ARHGAP21: variants seen among roughly 807,000 people sequenced by gnomAD.
ARHGAP21 encodes rho GTPase-activating protein 21.
A neutral mutation model predicts 164.6 loss-of-function variants in ARHGAP21; 38 were observed. That is an observed-to-expected ratio of 0.23 (90% confidence interval 0.18 to 0.30). The LOEUF (loss-of-function observed/expected upper bound fraction) is 0.30, where lower values mean the gene tolerates loss of function less well. ARHGAP21 is among the 10% of genes least tolerant of loss of function. The pLI, the probability that ARHGAP21 is intolerant of heterozygous loss-of-function variation, is 1.00. For synonymous variants in ARHGAP21, 766 were observed against 857.9 expected, an observed-to-expected ratio of 0.89 and a Z score of 1.87; for missense variants, 1,822 against 2,370.7, an observed-to-expected ratio of 0.77 and a Z score of 4.81.
At chr10:24,694,716 C>G (rs1480252137) in intron 2 of ARHGAP21, among the ~76,000 whole-genome samples, 1 of 152,034 alleles carries the variant, frequency 6.6e-6, no homozygotes, top group African/African-American at 2.4e-5. Context: ...TACATCATTG[C>G]CTGCGTACTA....
intron 4 of ARHGAP21, among the ~76,000 whole-genome samples, chr10:24,653,743 T>G (rs1838462534): frequency 2.0e-5 from 3 of 152,274 alleles, no homozygotes; most frequent in African/African-American, 7.2e-5. Flanking sequence ...AGATTACTCT[T>G]TCCTAGGATT....
At position 24,584,674 on chromosome 10, in the gene ARHGAP21, T is replaced by G; in HGVS notation, c.5615A>C (p.Asp1872Ala). 1 of 1,613,912 alleles carries G rather than the reference T, an allele frequency of 6.2e-7. No homozygotes were observed. The change falls in exon 26 of 26, where the codon GAT becomes GCT. Residue 1872 changes from aspartate to alanine, a missense_variant. Transcript: ENST00000396432. ...TGTGCTTGGGTTCTCTGTCTGGGGA[T>G]CTCCGATTTCTCCTCTGCTAAGGTC... ...TSDLSRGEIGDPQTENPSTRE... is the reference protein window; with the variant it reads ...TSDLSRGEIGAPQTENPSTRE...
chr10:24,626,915 A>G (rs1835195831), intron 7 of ARHGAP21, among the ~76,000 whole-genome samples: 1 of 152,232 alleles, frequency 6.6e-6, no homozygotes, highest in African/African-American at 2.4e-5. Flanking sequence ...TGCCAAGCAC[A>G]GGACTCCTAT....
At chr10:24,668,435 C>T (rs1011532298) in intron 3 of ARHGAP21, among the ~76,000 whole-genome samples, 1 of 152,154 alleles carries the variant, frequency 6.6e-6, no homozygotes, top group Non-Finnish European at 1.5e-5. Context: ...TCTGAACAAG[C>T]GTGGCTGTGT....
intron 7 of ARHGAP21, among the ~76,000 whole-genome samples, chr10:24,623,569 C>T (rs2131227233): frequency 6.6e-6 from 1 of 152,290 alleles, no homozygotes; most frequent in Non-Finnish European, 1.5e-5. Flanking sequence ...CTTTTCCATG[C>T]TGATTAGAAT....
chr10:24,594,915 T>C, intron 21 of ARHGAP21, 35 bp downstream of exon 21: 2 of 1,529,542 alleles, frequency 1.3e-6, no homozygotes, highest in Non-Finnish European at 1.8e-6. Context: ...CTAAAGCCAC[T>C]AAAAGTACAT....
intron 4 of ARHGAP21, among the ~76,000 whole-genome samples, chr10:24,641,849 T>C (rs898614915): frequency 2.0e-5 from 3 of 151,904 alleles, no homozygotes; most frequent in Admixed American, 2.0e-4. Context: ...CACAAAAAAT[T>C]AGCCGGGCAT....
chr10:24,617,537 G>A (rs553513780), intron 9 of ARHGAP21, among the ~76,000 whole-genome samples: 1 of 151,972 alleles, frequency 6.6e-6, no homozygotes, highest in Non-Finnish European at 1.5e-5. Context: ...GGCCTTAGGG[G>A]TATAGATATG....
In ARHGAP21 at chr10:24,595,947, T is replaced by A. The variant is rs751588260; in HGVS notation, c.3574A>T (p.Ile1192Phe). The change falls in exon 18 of 26, where the codon ATC becomes TTC. Residue 1192 changes from isoleucine (I) to phenylalanine (F), a missense_variant. Around this residue, in one of 5 missense-constraint regions of ARHGAP21, gnomAD observed 117 missense variants for 238.1 expected, o/e 0.49. Transcript: ENST00000396432. ...TTGAGTTCTTCTTGCATACTTGAGATGGCTGCATTATTTCCAGGAACTCTA... is the reference window on the plus strand; with the variant it reads ...TTGAGTTCTTCTTGCATACTTGAGAAGGCTGCATTATTTCCAGGAACTCTA... ...IYRVPGNNAAISSMQEELNKG... is the reference protein window; with the variant it reads ...IYRVPGNNAAFSSMQEELNKG... 1 of 1,613,650 alleles carries A rather than the reference T, an allele frequency of 6.2e-7. No homozygotes were observed.
intron 14 of ARHGAP21, among the ~76,000 whole-genome samples, chr10:24,599,222 A>G (rs2367065): frequency 6.6e-6 from 1 of 152,232 alleles, no homozygotes; most frequent in Non-Finnish European, 1.5e-5. Context: ...GAGTTTTAAC[A>G]ATGACAGTCT....
intron 2 of ARHGAP21, among the ~76,000 whole-genome samples, chr10:24,692,355 CG>C (rs1266554234): frequency 6.6e-6 from 1 of 151,904 alleles, no homozygotes; most frequent in Non-Finnish European, 1.5e-5. Flanking sequence ...GTATAGATTA[CG>C]GGGGGAAAAA....
intron 7 of ARHGAP21, chr10:24,628,966 ATATATATATATATATATTT>A (rs1835510223): frequency 7.9e-5 from 1 of 12,652 alleles, no homozygotes; most frequent in Non-Finnish European, 1.3e-4. Context: ...ATATATATAT[ATATATATATATATATATTT>A]TTTTTTTTTT....
chr10:24,711,363 A>C (rs1368256761), intron 2 of ARHGAP21, among the ~76,000 whole-genome samples: 1 of 151,814 alleles, frequency 6.6e-6, no homozygotes, highest in Non-Finnish European at 1.5e-5. Context: ...ATACCAAAAA[A>C]GAAAAAAAAA....
At chr10:24,668,655 T>C (rs1011041266) in intron 3 of ARHGAP21, among the ~76,000 whole-genome samples, 1 of 152,188 alleles carries the variant, frequency 6.6e-6, no homozygotes, top group Non-Finnish European at 1.5e-5. Flanking sequence ...GTGATTTTTT[T>C]TTTTTGACCA....
intron 2 of ARHGAP21, among the ~76,000 whole-genome samples, chr10:24,720,002 C>A (rs2132338476): frequency 6.6e-6 from 1 of 152,136 alleles, no homozygotes; most frequent in East Asian, 1.9e-4. Context: ...AATACCAAAC[C>A]TAAATACTGT....
At chr10:24,692,691 G>A (rs1326404344) in intron 2 of ARHGAP21, among the ~76,000 whole-genome samples, 1 of 152,180 alleles carries the variant, frequency 6.6e-6, no homozygotes, top group Admixed American at 6.5e-5. Flanking sequence ...AAGTAGCTGG[G>A]AGTGGTGGCA....
chr10:24,653,741 C>T (rs1432676120), intron 4 of ARHGAP21, among the ~76,000 whole-genome samples: 8 of 152,130 alleles, frequency 5.3e-5, no homozygotes, highest in Admixed American at 4.6e-4. Context: ...TTAGATTACT[C>T]TTTCCTAGGA....
intron 9 of ARHGAP21, 92 bp from the exon 10 acceptor site, chr10:24,607,995 A>G (rs1461807399): frequency 8.0e-7 from 1 of 1,257,206 alleles, no homozygotes; most frequent in African/African-American, 1.5e-5. Context: ...GGGGTCAGAT[A>G]AGGATTTTAA....
intron 4 of ARHGAP21, among the ~76,000 whole-genome samples, chr10:24,652,773 A>G (rs1838320484): frequency 6.6e-6 from 1 of 152,230 alleles, no homozygotes; most frequent in African/African-American, 2.4e-5. Flanking sequence ...AGCAAGTGTC[A>G]GTGAGGATAC....
Sources: allele counts gnomAD v4.1 joint callset (sites outside exome capture counted in the v4.1 genomes callset), GRCh38; gene constraint gnomAD v4.1.1; regional missense constraint gnomAD v4.1.1; transcripts MANE v1.5; gene names NCBI Gene and HGNC (gene_info 2026-07-23, HGNC 2026-07-21).